Variants in SLC49A4 observed in about 807,000 individuals in gnomAD.
SLC49A4 encodes solute carrier family 49 member 4, also known as disrupted in renal cancer protein 2.
A neutral mutation model predicts 50.6 loss-of-function variants in SLC49A4; 36 were observed. That is an observed-to-expected ratio of 0.71 (90% confidence interval 0.55 to 0.94). SLC49A4 has a LOEUF of 0.94. Among genes scored for constraint, SLC49A4 ranks in the 40% least tolerant of loss-of-function variants. The probability of loss-of-function intolerance (pLI) is 0.00; values close to 1 mark genes in which losing one functional copy is unlikely to be tolerated. For synonymous variants in SLC49A4, 248 were observed against 241.2 expected (o/e 1.03, Z -0.26); for missense variants, 503 against 605.7 (o/e 0.83, Z 1.78).
intron 3 of SLC49A4, among the ~76,000 whole-genome samples, chr3:122,831,865 T>A (rs1936612767): frequency 6.6e-6 from 1 of 152,014 alleles, no homozygotes; most frequent in Non-Finnish European, 1.5e-5. Flanking sequence ...TTTTAGGTGC[T>A]CATTCAGTAT....
chr3:122,816,932 C>A (rs1461957837), intron 2 of SLC49A4, among the ~76,000 whole-genome samples: 2 of 152,146 alleles, frequency 1.3e-5, no homozygotes, highest in Non-Finnish European at 2.9e-5. Context: ...CGCTTTTACT[C>A]CTGCAAAAAC....
At chr3:122,844,027 C>T (rs1297884543) in intron 4 of SLC49A4, among the ~76,000 whole-genome samples, 1 of 152,188 alleles carries the variant, frequency 6.6e-6, no homozygotes, top group African/African-American at 2.4e-5. Context: ...ATAAACACTA[C>T]TGCAGTGACA....
rs1475471751 is a variant in SLC49A4, at chr3:122,826,948, T to C, written c.586T>C (p.Cys196Arg). ...AATGCTCAGTTATCTTGGGGGAGCATGTGCATTTTTAGTTGGACCACTTGT... is the reference window on the plus strand; with the variant it reads ...AATGCTCAGTTATCTTGGGGGAGCACGTGCATTTTTAGTTGGACCACTTGT... ...ASMLSYLGGA[C>R]AFLVGPLVVP... is the part of the protein sequence containing the mutation. Residue 196 changes from cysteine (C) to arginine (R), a missense_variant, in exon 3 of 9, where the codon TGT becomes CGT. Cys to Arg is a radical substitution (Grantham distance 180). Transcript: ENST00000261038. The C allele has an allele frequency of 1.2e-6, 2 of 1,614,216 alleles. No individual in the cohort carries two copies.
At chr3:122,814,508 A>T (rs949254755) in intron 2 of SLC49A4, among the ~76,000 whole-genome samples, 23 of 152,212 alleles carry the variant, frequency 1.5e-4, no homozygotes, top group African/African-American at 4.6e-4. Flanking sequence ...ACAATTGTTG[A>T]TTCTCAGATT....
Position 122,872,028 on chromosome 3 carries a change from T to C in SLC49A4, c.1139-387T>C, listed in dbSNP as rs1246652563. Among the ~76,000 whole-genome samples the C allele has an allele frequency of 3.9e-5, 6 of 152,340 alleles. No homozygotes were observed. The South Asian group carries it at 1.0e-3, about 26-fold the overall frequency. ...ATCTCTTTAAATATGTAATTTTCAGTAACATTTAATGTTTCTGACATTTAT... is the reference window on the plus strand; with the variant it reads ...ATCTCTTTAAATATGTAATTTTCAGCAACATTTAATGTTTCTGACATTTAT... On this transcript the variant is annotated intron_variant, in intron 7 of 8. Coordinates refer to ENST00000261038, the MANE Select transcript of SLC49A4 (RefSeq NM_032839.3).
rs772427594 is a variant in SLC49A4 at position 122,795,530 on chromosome 3, A to G, written c.338A>G (p.Lys113Arg). The G allele has an allele frequency of 6.3e-6, 10 of 1,595,190 alleles. No individual in the cohort carries two copies. In the East Asian group the frequency reaches 1.6e-4, roughly 25 times the overall value. ...PCFAFMWLLD[K>R]RGLRITVLLT... ...TTCGCGTTCATGTGGCTCCTGGACA[A>G]GAGAGGTGAGGGGTCGCGGAGCGCC... The change falls in exon 1 of 9, where the codon AAG becomes AGG. Residue 113 changes from lysine to arginine, a missense_variant. Physicochemically the swap from Lys to Arg is conservative, Grantham distance 26 (BLOSUM62 2). Coordinates refer to ENST00000261038, the MANE Select transcript of SLC49A4 (RefSeq NM_032839.3).
chr3:122,870,415 C>G (rs536878664), intron 7 of SLC49A4, among the ~76,000 whole-genome samples: 57 of 151,762 alleles, frequency 3.8e-4, no homozygotes, highest in Middle Eastern at 6.8e-3. Context: ...CAGGGTCTCA[C>G]CATGTTACCC....
At chr3:122,802,731 G>A (rs1209003085) in intron 1 of SLC49A4, among the ~76,000 whole-genome samples, 1 of 152,124 alleles carries the variant, frequency 6.6e-6, no homozygotes, top group African/African-American at 2.4e-5. Flanking sequence ...TAATCAATGT[G>A]TAAGACGAAA....
intron 5 of SLC49A4, among the ~76,000 whole-genome samples, chr3:122,852,705 C>T (rs1936941193): frequency 1.3e-5 from 2 of 152,112 alleles, no homozygotes. Flanking sequence ...TCAGAGTGCC[C>T]AGTTAAAACC....
At chr3:122,802,830 G>T (rs549978484) in intron 1 of SLC49A4, among the ~76,000 whole-genome samples, 1 of 152,298 alleles carries the variant, frequency 6.6e-6, no homozygotes, top group South Asian at 2.1e-4. Flanking sequence ...CGTGTGACTT[G>T]AGTATATAGC....
chr3:122,823,239 T>G (rs950995289), intron 2 of SLC49A4, among the ~76,000 whole-genome samples: 1 of 152,216 alleles, frequency 6.6e-6, no homozygotes, highest in Non-Finnish European at 1.5e-5. Flanking sequence ...GCTGTGTACT[T>G]CCTAGGCCTA....
chr3:122,824,632 T>C (rs1404463896), intron 2 of SLC49A4, among the ~76,000 whole-genome samples: 1 of 151,654 alleles, frequency 6.6e-6, no homozygotes, highest in Non-Finnish European at 1.5e-5. Context: ...TTTCTTTCTT[T>C]CTTTCTTTTT....
intron 3 of SLC49A4, among the ~76,000 whole-genome samples, chr3:122,827,282 A>T (rs1222325450): frequency 6.6e-6 from 1 of 152,232 alleles, no homozygotes; most frequent in Non-Finnish European, 1.5e-5. Context: ...TATTATTGCC[A>T]CATGGAGGGG....
intron 7 of SLC49A4, among the ~76,000 whole-genome samples, chr3:122,865,350 G>A (rs76007367): frequency 0.016 from 2,457 of 152,282 alleles, 68 homozygotes; most frequent in African/African-American, 0.056. Flanking sequence ...ATCAGTGAGC[G>A]TTCCATGATT....
chr3:122,846,798 T>A (rs1466595170), intron 5 of SLC49A4, among the ~76,000 whole-genome samples: 1 of 152,248 alleles, frequency 6.6e-6, no homozygotes, highest in Non-Finnish European at 1.5e-5. Flanking sequence ...TTTGAATATC[T>A]TTTTCTTGTG....
intron 5 of SLC49A4, among the ~76,000 whole-genome samples, chr3:122,853,360 TATA>T (rs1335713611): frequency 6.6e-6 from 1 of 152,204 alleles, no homozygotes; most frequent in African/African-American, 2.4e-5. Flanking sequence ...GCACCTTTAC[TATA>T]ATAAGAAAGG....
At chr3:122,845,999 G>A in intron 5 of SLC49A4, 128 bp downstream of exon 5, 1 of 481,134 alleles carries the variant, frequency 2.1e-6, no homozygotes, top group Non-Finnish European at 3.4e-6. Flanking sequence ...TGTTGCAAAA[G>A]CAAGATCTTT....
rs780989924 is a variant in SLC49A4, at chr3:122,880,626, C to T, written c.*1248C>T. 1 of 152,272 alleles carries T rather than the reference C, an allele frequency of 6.6e-6. No individual in the cohort carries two copies. Among genetic ancestry groups the T allele is most frequent in the Non-Finnish European group, 1.5e-5 (1 of 68,068 alleles). 9.4% of individuals were successfully genotyped at this position (152,272 alleles called of 1,614,324 possible). A position where few individuals can be genotyped will look rare whatever the true frequency, so the allele number is the denominator to read the frequency against. On this transcript the variant is annotated 3_prime_UTR_variant, in exon 9 of 9. Coordinates refer to ENST00000261038, the MANE Select transcript of SLC49A4 (RefSeq NM_032839.3). Reference sequence around the variant, plus strand: ...ACTGCTATACCTTTATTATTCTCAGCTTCCTCCAGCCCTTCTTGTTTTTCC... The same window carrying T: ...ACTGCTATACCTTTATTATTCTCAGTTTCCTCCAGCCCTTCTTGTTTTTCC...
At chr3:122,874,384 A>G (rs914184306) in intron 8 of SLC49A4, among the ~76,000 whole-genome samples, 2 of 152,152 alleles carry the variant, frequency 1.3e-5, no homozygotes, top group African/African-American at 4.8e-5. Flanking sequence ...ACAAGCAGAT[A>G]TTTTATTTCT....
Sources: allele counts gnomAD v4.1 joint callset (sites outside exome capture counted in the v4.1 genomes callset), GRCh38; gene constraint gnomAD v4.1.1; transcripts MANE v1.5; gene names NCBI Gene and HGNC (gene_info 2026-07-23, HGNC 2026-07-21).